Variants in ZNF264 observed in about 807,000 individuals in gnomAD.
ZNF264 encodes zinc finger protein 264.
ZNF264 carries 11 observed loss-of-function variants against 11.2 expected under a neutral mutation model. That is an observed-to-expected ratio of 0.98 (90% CI 0.62 to 1.63). The LOEUF is 1.63. Among genes scored for constraint, ZNF264 ranks in the 40% most tolerant of loss-of-function variants. The pLI is 0.00. For synonymous variants in ZNF264, 309 were observed against 279.8 expected, an observed-to-expected ratio of 1.10 and a Z score of -1.04; for missense variants, 752 against 768.1, an observed-to-expected ratio of 0.98 and a Z score of 0.25.
At position 57,191,939 on chromosome 19, in the gene ZNF264, G is replaced by T; in HGVS notation, c.26G>T (p.Arg9Leu). 6.5e-7 allele frequency: 1 copy of T among 1,536,232 alleles called. No homozygotes were observed. Among genetic ancestry groups the T allele is most frequent in the Non-Finnish European group, 8.8e-7 (1 of 1,139,870 alleles). Reference sequence around the variant, plus strand: ...ATGGCGGCAGCGGTGCTGACGGACCGGGCCCAGGTGAGTGGACGGTGGCTT... The same window carrying T: ...ATGGCGGCAGCGGTGCTGACGGACCTGGCCCAGGTGAGTGGACGGTGGCTT... MAAAVLTD[R>L]AQVSVTFDDV... is the part of the protein sequence containing the mutation. Residue 9 changes from arginine to leucine, a missense_variant, in exon 1 of 4, where the codon CGG becomes CTG. Transcript: ENST00000263095.
In ZNF264 at chr19:57,212,074, A is replaced by T. The variant is rs552322622; in HGVS notation, c.977A>T (p.His326Leu). Residue 326 changes from histidine (H) to leucine (L), a missense_variant, in exon 4 of 4, where the codon CAT becomes CTT. His to Leu is a moderately conservative substitution (Grantham distance 99). Coordinates refer to ENST00000263095, the MANE Select transcript of ZNF264 (RefSeq NM_003417.5). ...VCTECGQVFR[H>L]RPGFLRHYVV... ...ACAGAATGTGGCCAAGTCTTTCGAC[A>T]TAGGCCAGGCTTTCTCCGGCACTAT... 5.6e-6 allele frequency: 9 copies of T among 1,614,074 alleles called. No individual in the cohort carries two copies. Among genetic ancestry groups the T allele is most frequent in the Non-Finnish European group, 7.6e-6 (9 of 1,180,036 alleles).
chr19:57,200,919 T>G (rs1048176449), intron 2 of ZNF264, among the ~76,000 whole-genome samples: 1 of 151,906 alleles, frequency 6.6e-6, no homozygotes, highest in Non-Finnish European at 1.5e-5. Flanking sequence ...CCCTTTACTT[T>G]TTATAATAAA....
In ZNF264 at chr19:57,212,883, A is replaced by T. The variant is rs1377278946; in HGVS notation, c.1786A>T (p.Asn596Tyr). The change falls in exon 4 of 4, where the codon AAT becomes TAT. Residue 596 changes from asparagine (N) to tyrosine (Y), a missense_variant. Physicochemically the swap from Asn to Tyr is moderately radical, Grantham distance 143. Coordinates refer to ENST00000263095, the MANE Select transcript of ZNF264 (RefSeq NM_003417.5). ...ACTTCTTTTAGGGAAGGACTTTTTG[A>T]ATGTAACCACTGAGGCAAATATTTT... ...RELLLGKDFL[N>Y]VTTEANILPE... 6.2e-7 allele frequency: 1 copy of T among 1,614,196 alleles called. No homozygotes were observed. Among genetic ancestry groups the T allele is most frequent in the South Asian group, 1.1e-5 (1 of 91,082 alleles).
intron 2 of ZNF264, among the ~76,000 whole-genome samples, chr19:57,198,844 G>A (rs915059482): frequency 6.6e-6 from 1 of 151,900 alleles, no homozygotes; most frequent in African/African-American, 2.4e-5. Context: ...TGTCAGTAGT[G>A]TAGTGGGGTC....
Position 57,213,478 on chromosome 19 carries a change from C to CA in ZNF264, c.*498dup, listed in dbSNP as rs2087357048. The CA allele has an allele frequency of 6.5e-6, 1 of 154,520 alleles. No homozygotes were observed. Among genetic ancestry groups the CA allele is most frequent in the Non-Finnish European group, 1.4e-5 (1 of 69,558 alleles). The allele number at this position is 154,520 out of a possible 1,614,324, so 9.6% of individuals were successfully genotyped here. A position where few individuals can be genotyped will look rare whatever the true frequency, so the allele number is the denominator to read the frequency against. On this transcript the variant is annotated 3_prime_UTR_variant, in exon 4 of 4. Coordinates refer to ENST00000263095, the MANE Select transcript of ZNF264 (RefSeq NM_003417.5). Reference sequence around the variant, plus strand: ...TAGGGGGCTTGAGCCATGAAATACTCACGTTTAAGTCAGTAAGGATACACA... The same window carrying CA: ...TAGGGGGCTTGAGCCATGAAATACTCAACGTTTAAGTCAGTAAGGATACACA...
rs2087400845 is a variant in ZNF264, at chr19:57,219,276, A to G, written c.*6295A>G. ...GGACACATTTTCCTACCTCCTGCCC[A>G]GTCTTTTTTAGGCTCTCTGTCATAC... On this transcript the variant is annotated 3_prime_UTR_variant, in exon 4 of 4. Transcript: ENST00000263095. 6.6e-6 allele frequency: 1 copy of G among 152,050 alleles called. No individual in the cohort carries two copies. Among genetic ancestry groups the G allele is most frequent in the Non-Finnish European group, 1.5e-5 (1 of 68,050 alleles). 9.4% of individuals were successfully genotyped at this position (152,050 alleles called of 1,614,324 possible). A position where few individuals can be genotyped will look rare whatever the true frequency, so the allele number is the denominator to read the frequency against.
rs1599950318 is a variant in ZNF264, at chr19:57,204,408, G to T, written c.161-989G>T. 2.0e-5 allele frequency among the ~76,000 whole-genome samples: 3 copies of T among 152,118 alleles called. No individual in the cohort carries two copies. The South Asian group carries it at 6.2e-4, about 32-fold the overall frequency. Reference sequence around the variant, plus strand: ...CACCTTGAATTGTAATAATCCCCATGTGTCGTGGGAGGTAATTGAATCATG... The same window carrying T: ...CACCTTGAATTGTAATAATCCCCATTTGTCGTGGGAGGTAATTGAATCATG... On this transcript the variant is annotated intron_variant, in intron 2 of 3. Transcript: ENST00000263095.
At chr19:57,193,819 G>C (rs914532012) in intron 1 of ZNF264, 56 bp from the exon 2 acceptor site, 1 of 1,602,902 alleles carries the variant, frequency 6.2e-7, no homozygotes. Context: ...AGCACAGTCT[G>C]TGATCTCATT....
chr19:57,213,508 AAC>A lies in ZNF264; in HGVS notation c.*529_*530del, dbSNP rs2087357404. The A allele has an allele frequency of 6.6e-6, 1 of 152,384 alleles. No individual in the cohort carries two copies. The highest frequency in any genetic ancestry group is 1.5e-5 in the Non-Finnish European group (1 of 68,162). The allele number at this position is 152,384 out of a possible 1,614,324, so 9.4% of individuals were successfully genotyped here. ...TTAAGTCAGTAAGGATACACATGTT[AAC>A]ATTCAGGCTTTTGTCTTGATGCCCG... On this transcript the variant is annotated 3_prime_UTR_variant, in exon 4 of 4. Transcript: ENST00000263095.
intron 3 of ZNF264, among the ~76,000 whole-genome samples, chr19:57,210,929 G>A (rs1009744027): frequency 2.6e-5 from 4 of 152,294 alleles, no homozygotes; most frequent in South Asian, 2.1e-4. Flanking sequence ...CAGGAAAAGC[G>A]TACTTCTCTT....
intron 2 of ZNF264, among the ~76,000 whole-genome samples, chr19:57,202,310 C>G (rs1170177257): frequency 6.6e-6 from 1 of 151,878 alleles, no homozygotes; most frequent in Non-Finnish European, 1.5e-5. Flanking sequence ...TCATTATTTA[C>G]AATTCGTGAA....
chr19:57,194,044 CTT>C, intron 2 of ZNF264, 43 bp downstream of exon 2: 1 of 1,562,306 alleles, frequency 6.4e-7, no homozygotes, highest in Non-Finnish European at 8.7e-7. Context: ...TGACCTGCCA[CTT>C]CCTTCATTCC....
At chr19:57,208,114 C>T (rs2087307515) in intron 3 of ZNF264, among the ~76,000 whole-genome samples, 1 of 152,216 alleles carries the variant, frequency 6.6e-6, no homozygotes, top group African/African-American at 2.4e-5. Context: ...TTCGGCCTCC[C>T]AAAGTGCAGG....
chr19:57,195,682 G>C (rs2087206952), intron 2 of ZNF264, among the ~76,000 whole-genome samples: 1 of 151,786 alleles, frequency 6.6e-6, no homozygotes, highest in Non-Finnish European at 1.5e-5. Context: ...CTCCATTGTG[G>C]AGTAGTAGAC....
rs527568557 is a variant in ZNF264, at chr19:57,218,546, T to A, written c.*5565T>A. On this transcript the variant is annotated 3_prime_UTR_variant, in exon 4 of 4. Transcript: ENST00000263095. Reference sequence around the variant, plus strand: ...AATTTGGGGAACTTTCAACTATTATTTCTTCAAATATTTTTTCACCCCCCA... The same window carrying A: ...AATTTGGGGAACTTTCAACTATTATATCTTCAAATATTTTTTCACCCCCCA... The A allele has an allele frequency of 1.3e-5, 2 of 152,330 alleles. No individual in the cohort carries two copies. The highest frequency in any genetic ancestry group is 4.8e-5 in the African/African-American group (2 of 41,576). 9.4% of individuals were successfully genotyped at this position (152,330 alleles called of 1,614,324 possible). A position where few individuals can be genotyped will look rare whatever the true frequency, so the allele number is the denominator to read the frequency against.
intron 2 of ZNF264, among the ~76,000 whole-genome samples, chr19:57,198,778 G>A (rs1440127222): frequency 1.3e-5 from 2 of 151,852 alleles, no homozygotes; most frequent in African/African-American, 4.9e-5. Context: ...AGTTACCCTG[G>A]TAAAAAGCCA....
chr19:57,204,217 C>CAA (rs34929108), intron 2 of ZNF264, among the ~76,000 whole-genome samples: 89 of 84,450 alleles, frequency 1.1e-3, no homozygotes, highest in South Asian at 2.8e-3. Context: ...GACTCCGTCT[C>CAA]AAAAAAAAAA....
At chr19:57,193,216 TG>T (rs1179506101) in intron 1 of ZNF264, among the ~76,000 whole-genome samples, 1 of 152,170 alleles carries the variant, frequency 6.6e-6, no homozygotes, top group East Asian at 1.9e-4. Flanking sequence ...TGTGACTGGG[TG>T]AATTGATAGC....
intron 2 of ZNF264, among the ~76,000 whole-genome samples, chr19:57,202,658 C>A (rs2122747863): frequency 6.6e-6 from 1 of 151,980 alleles, no homozygotes; most frequent in South Asian, 2.1e-4. Flanking sequence ...CAGGTGGTCC[C>A]CCCAGGAAGG....
Sources: gnomAD v4.1 joint callset for allele counts (sites outside exome capture counted in the v4.1 genomes callset) on GRCh38, gnomAD v4.1.1 for gene constraint, MANE v1.5 for transcripts, NCBI Gene and HGNC (gene_info 2026-07-23, HGNC 2026-07-21) for gene names.